TCERG1: variants seen among roughly 807,000 people sequenced by gnomAD.
TCERG1 encodes the protein TATA box binding protein (TBP)-associated factor, RNA polymerase II, S, 150kD.
In TCERG1, 37 loss-of-function variants were observed where a neutral mutation model predicts 144.7. That is an observed-to-expected ratio of 0.26 (90% confidence interval 0.20 to 0.34). TCERG1 has a LOEUF of 0.34. Ranked by LOEUF, TCERG1 falls within the 10% of genes least tolerant of loss-of-function variation. The probability of loss-of-function intolerance (pLI) is 1.00; values close to 1 mark genes in which losing one functional copy is unlikely to be tolerated. For missense variants in TCERG1, 1,027 were observed against 1,380.7 expected (o/e 0.74, Z 4.06); for synonymous variants, 492 against 458.2 (o/e 1.07, Z -0.94).
At chr5:146,459,392 G>C in intron 4 of TCERG1, 55 bp downstream of exon 4, 3 of 1,570,698 alleles carry the variant, frequency 1.9e-6, no homozygotes, top group Non-Finnish European at 2.6e-6. Flanking sequence ...TGAACAAGTA[G>C]GGGACTACAT....
intron 16 of TCERG1, among the ~76,000 whole-genome samples, chr5:146,494,925 T>C (rs1348309089): frequency 2.0e-5 from 3 of 152,204 alleles, no homozygotes. Context: ...TTTTTTATCC[T>C]GTTTGTTTTA....
chr5:146,473,679 T>A (rs903944638), intron 9 of TCERG1, among the ~76,000 whole-genome samples: 12 of 152,180 alleles, frequency 7.9e-5, no homozygotes, highest in Non-Finnish European at 1.5e-4. Context: ...CCCTTGAGAA[T>A]GACGTTAAAT....
chr5:146,505,442 C>T (rs1040207991), intron 19 of TCERG1: 1 of 150,770 alleles, frequency 6.6e-6, no homozygotes, highest in African/African-American at 2.4e-5. Flanking sequence ...TTGTTCATTT[C>T]TTACCTCCCA....
chr5:146,509,980 A>G lies in TCERG1; in HGVS notation c.3147-461A>G. 3 of 1,196,368 alleles carry G rather than the reference A, an allele frequency of 2.5e-6. 1 individual carries two copies. Among genetic ancestry groups the G allele is most frequent in the Middle Eastern group, 2.3e-4 (1 of 4,294 alleles). The allele number at this position is 1,196,368 out of a possible 1,614,324, so 74.1% of individuals were successfully genotyped here. ...GGTTTTTAGATATTTTGTCATTTGGATTTTTTGGTCAGGATCCTTAATGTT... is the reference window on the plus strand; with the variant it reads ...GGTTTTTAGATATTTTGTCATTTGGGTTTTTTGGTCAGGATCCTTAATGTT... On this transcript the variant is annotated intron_variant, in intron 22 of 22. Coordinates refer to ENST00000679501, the MANE Select transcript of TCERG1 (RefSeq NM_001382548.1).
chr5:146,458,032 T>C (rs191012042), intron 3 of TCERG1, among the ~76,000 whole-genome samples: 23 of 152,202 alleles, frequency 1.5e-4, no homozygotes, highest in African/African-American at 5.5e-4. Context: ...GTATTTTTAA[T>C]AGAGACAGGG....
chr5:146,448,567 G>A (rs1762096756), intron 1 of TCERG1, among the ~76,000 whole-genome samples: 1 of 152,230 alleles, frequency 6.6e-6, no homozygotes, highest in South Asian at 2.1e-4. Context: ...GGTAGATTAT[G>A]AAGACTCTGT....
intron 1 of TCERG1, among the ~76,000 whole-genome samples, chr5:146,451,524 T>C (rs919871616): frequency 6.6e-6 from 1 of 151,788 alleles, no homozygotes; most frequent in African/African-American, 2.4e-5. Context: ...GGTTTCACTA[T>C]GTTGGCCAGG....
At position 146,507,835 on chromosome 5, in the gene TCERG1, G is replaced by T; in HGVS notation, c.2962-38G>T. ...GCAGTTTGACTCCCTAAGTAAAAGT[G>T]AGTTGTATTTATGTTTTTTATTCAT... On this transcript the variant is annotated intron_variant, in intron 20 of 22. Coordinates refer to ENST00000679501, the MANE Select transcript of TCERG1 (RefSeq NM_001382548.1). The surrounding 1 kb of genome is among the most constrained non-coding windows in gnomAD (Gnocchi z 4.6). 1 of 1,464,902 alleles carries T rather than the reference G, an allele frequency of 6.8e-7. No homozygotes were observed. Among genetic ancestry groups the T allele is most frequent in the Non-Finnish European group, 9.5e-7 (1 of 1,056,710 alleles). The allele number at this position is 1,464,902 out of a possible 1,614,324, so 90.7% of individuals were successfully genotyped here.
At position 146,511,536 on chromosome 5, in the gene TCERG1, T is replaced by A. The variant is rs543730179; in HGVS notation, c.*894T>A. 1 of 145,884 alleles carries A rather than the reference T, an allele frequency of 6.9e-6. No individual in the cohort carries two copies. The highest frequency in any genetic ancestry group is 2.3e-4 in the South Asian group (1 of 4,290). The allele number at this position is 145,884 out of a possible 1,614,324, so 9.0% of individuals were successfully genotyped here. A position where few individuals can be genotyped will look rare whatever the true frequency, so the allele number is the denominator to read the frequency against. ...TGTATTGTATATGATTATTGTTACTTAATTTTTAAGAGCTTATTTTAACCT... is the reference window on the plus strand; with the variant it reads ...TGTATTGTATATGATTATTGTTACTAAATTTTTAAGAGCTTATTTTAACCT... On this transcript the variant is annotated 3_prime_UTR_variant, in exon 23 of 23. Transcript: ENST00000679501.
At chr5:146,463,906 C>T (rs1044690850) in intron 5 of TCERG1, 113 bp downstream of exon 5, 44 of 1,436,642 alleles carry the variant, frequency 3.1e-5, no homozygotes, top group African/African-American at 1.4e-4. Context: ...CTGTTTGAAA[C>T]GTTTTTGAAA....
intron 3 of TCERG1, 53 bp downstream of exon 3, chr5:146,457,388 TAA>T (rs2150239498): frequency 6.7e-7 from 1 of 1,503,044 alleles, no homozygotes; most frequent in African/African-American, 1.4e-5. Flanking sequence ...GAGTAAAACT[TAA>T]AGAGTTCTGG....
At chr5:146,478,786 A>G in intron 10 of TCERG1, 133 bp downstream of exon 10, 1 of 852,118 alleles carries the variant, frequency 1.2e-6, no homozygotes, top group Non-Finnish European at 1.7e-6. Flanking sequence ...ATAGACTGCT[A>G]TCCTAGTTTG....
intron 19 of TCERG1, 111 bp from the exon 20 acceptor site, chr5:146,506,917 G>A: frequency 1.2e-6 from 1 of 851,152 alleles, no homozygotes; most frequent in Non-Finnish European, 1.7e-6. Context: ...TAGACACTTA[G>A]GTTGATTCCA....
intron 6 of TCERG1, among the ~76,000 whole-genome samples, chr5:146,468,618 AAGGTC>A (rs1211324958): frequency 3.9e-5 from 6 of 152,230 alleles, no homozygotes; most frequent in Non-Finnish European, 8.8e-5. Context: ...AAAAACAAAT[AAGGTC>A]AGATCACTTT....
chr5:146,464,966 A>C lies in TCERG1; in HGVS notation c.1135+1173A>C, dbSNP rs181594880. Among the ~76,000 whole-genome samples the C allele has an allele frequency of 1.6e-4, 25 of 152,168 alleles. No homozygotes were observed. In the East Asian group the frequency reaches 4.8e-3, roughly 29 times the overall value. ...TCAGGTTTTTTTTTTAATTTGGAAA[A>C]CCTTGTATACATTGTTGATGTAGTG... On this transcript the variant is annotated intron_variant, in intron 5 of 22. Transcript: ENST00000679501.
At chr5:146,475,303 C>G (rs1019665494) in intron 9 of TCERG1, among the ~76,000 whole-genome samples, 4 of 152,152 alleles carry the variant, frequency 2.6e-5, no homozygotes, top group African/African-American at 9.7e-5. Context: ...CGGATTTAAT[C>G]TTTTTGGCAA....
chr5:146,452,511 A>G (rs542721745), intron 1 of TCERG1, among the ~76,000 whole-genome samples: 1 of 152,212 alleles, frequency 6.6e-6, no homozygotes, highest in African/African-American at 2.4e-5. Context: ...GTACAGATCT[A>G]TGTGCTAGGG....
At chr5:146,497,907 G>A (rs190675158) in intron 16 of TCERG1, among the ~76,000 whole-genome samples, 1 of 152,134 alleles carries the variant, frequency 6.6e-6, no homozygotes, top group East Asian at 1.9e-4. Flanking sequence ...ACACAACTTG[G>A]CCTTAGCTGT....
chr5:146,486,448 C>T (rs1561681095), intron 15 of TCERG1, among the ~76,000 whole-genome samples: 1 of 152,008 alleles, frequency 6.6e-6, no homozygotes, highest in African/African-American at 2.4e-5. Flanking sequence ...TAACATTTTC[C>T]ATAAAAACTA....
Sources: allele counts gnomAD v4.1 joint callset (sites outside exome capture counted in the v4.1 genomes callset), GRCh38; gene constraint gnomAD v4.1.1; non-coding constraint Gnocchi (gnomAD v3.1); transcripts MANE v1.5; gene names NCBI Gene and HGNC (gene_info 2026-07-23, HGNC 2026-07-21).